INSYN2B: variants seen among roughly 807,000 people sequenced by gnomAD.
The protein encoded by INSYN2B is protein INSYN2B.
INSYN2B carries 16 observed loss-of-function variants against 41.2 expected under a neutral mutation model. The observed-to-expected ratio is 0.39, with a 90% CI of 0.26 to 0.59. The LOEUF (loss-of-function observed/expected upper bound fraction) is 0.59, where lower values mean the gene tolerates loss of function less well. Ranked by LOEUF, INSYN2B falls within the 20% of genes least tolerant of loss-of-function variation. INSYN2B has a pLI of 0.57. For missense variants in INSYN2B, 608 were observed against 646.4 expected (o/e 0.94, Z 0.64); for synonymous variants, 245 against 244.4 (o/e 1.00, Z -0.02).
intron 1 of INSYN2B, among the ~76,000 whole-genome samples, chr5:169,914,049 G>C (rs139912367): frequency 1.0e-3 from 157 of 152,230 alleles, no homozygotes; most frequent in Middle Eastern, 6.8e-3. Flanking sequence ...TACTAAAGAT[G>C]CCCTTTCAAA....
chr5:169,888,257 C>G (rs1773089687), intron 1 of INSYN2B, among the ~76,000 whole-genome samples: 1 of 152,160 alleles, frequency 6.6e-6, no homozygotes, highest in Admixed American at 6.5e-5. Context: ...GCCCTTAAGT[C>G]TTATGGGCTC....
intron 1 of INSYN2B, among the ~76,000 whole-genome samples, chr5:169,952,921 G>A (rs1776721250): frequency 6.6e-6 from 1 of 152,198 alleles, no homozygotes; most frequent in African/African-American, 2.4e-5. Flanking sequence ...GAGAGCCTCA[G>A]ATAGGGAGAA....
chr5:169,897,752 G>A (rs535876763), intron 1 of INSYN2B, among the ~76,000 whole-genome samples: 25 of 152,268 alleles, frequency 1.6e-4, no homozygotes, highest in African/African-American at 5.8e-4. Flanking sequence ...GAAGGCCATC[G>A]TCAGGGCCAC....
chr5:169,961,978 C>CAAAAAAAAAAAA lies in INSYN2B; in HGVS notation c.-919+18287_-919+18298dup, dbSNP rs70979150. ...TGGGTGAAAAAGTGAGACTCTGTCC[C>CAAAAAAAAAAAA]AAAAAAAAAAAAAAAAATGGAGAAA... On this transcript the variant is annotated intron_variant, in intron 1 of 3. Coordinates refer to ENST00000377365, the MANE Select transcript of INSYN2B (RefSeq NM_001129891.3). Among the ~76,000 whole-genome samples the CAAAAAAAAAAAA allele has an allele frequency of 2.6e-3, 191 of 74,616 alleles. 57 individuals carry two copies. Among genetic ancestry groups the CAAAAAAAAAAAA allele is most frequent in the African/African-American group, 5.6e-3 (83 of 14,770 alleles). 49.0% of individuals were successfully genotyped at this position (74,616 alleles called of 152,430 possible).
intron 1 of INSYN2B, among the ~76,000 whole-genome samples, chr5:169,973,983 C>T (rs546579935): frequency 1.9e-4 from 29 of 152,308 alleles, no homozygotes; most frequent in African/African-American, 5.8e-4. Flanking sequence ...AAGGTTAATT[C>T]AGCAGGGGGA....
chr5:169,901,449 ATGTG>A (rs996053938), intron 1 of INSYN2B, among the ~76,000 whole-genome samples: 10 of 152,096 alleles, frequency 6.6e-5, no homozygotes, highest in African/African-American at 2.4e-4. Flanking sequence ...GCATGCGTGC[ATGTG>A]TGTGTAGGAG....
intron 1 of INSYN2B, among the ~76,000 whole-genome samples, chr5:169,886,828 G>C (rs774535628): frequency 6.6e-6 from 1 of 152,054 alleles, no homozygotes; most frequent in Non-Finnish European, 1.5e-5. Flanking sequence ...CTTCATTCTG[G>C]GAACGATAAC....
chr5:169,961,166 T>C (rs1475171894), intron 1 of INSYN2B, among the ~76,000 whole-genome samples: 1 of 152,224 alleles, frequency 6.6e-6, no homozygotes, highest in East Asian at 1.9e-4. Flanking sequence ...ACAATTGTCA[T>C]TGGCCATAGA....
intron 1 of INSYN2B, among the ~76,000 whole-genome samples, chr5:169,941,184 G>A (rs1366760817): frequency 1.3e-5 from 2 of 152,088 alleles, no homozygotes; most frequent in African/African-American, 2.4e-5. Context: ...CTCCAGAAAG[G>A]TGCTTTTTAA....
At chr5:169,957,479 A>T (rs781060277) in intron 1 of INSYN2B, among the ~76,000 whole-genome samples, 27 of 152,220 alleles carry the variant, frequency 1.8e-4, no homozygotes, top group Non-Finnish European at 2.6e-4. Flanking sequence ...TGTAAGGAGA[A>T]GTATACCATT....
At chr5:169,970,713 T>G (rs1195774142) in intron 1 of INSYN2B, among the ~76,000 whole-genome samples, 1 of 152,224 alleles carries the variant, frequency 6.6e-6, no homozygotes, top group East Asian at 1.9e-4. Flanking sequence ...GGTGAAATAA[T>G]CAGGGGAGAT....
Position 169,883,475 on chromosome 5 carries a change from C to T in INSYN2B, c.424G>A (p.Asp142Asn). Residue 142 changes from aspartate (D) to asparagine (N), a missense_variant, in exon 2 of 4, where the codon GAC becomes AAC. Physicochemically the swap from Asp to Asn is conservative, Grantham distance 23 (BLOSUM62 1). Coordinates refer to ENST00000377365, the MANE Select transcript of INSYN2B (RefSeq NM_001129891.3). The part of the protein sequence containing the change: ...IQVNGNLSEQ[D>N]IVSSDLAYLR... The stretch of plus-strand genomic sequence containing the variant: ...TAGGCAAGGTCAGAAGACACAATGT[C>T]CTGTTCAGAGAGGTTACCGTTGACC... 3 of 1,551,630 alleles carry T rather than the reference C, an allele frequency of 1.9e-6. No homozygotes were observed. The highest frequency in any genetic ancestry group is 2.6e-6 in the Non-Finnish European group (3 of 1,146,942).
chr5:169,938,943 G>C (rs763114742), intron 1 of INSYN2B, among the ~76,000 whole-genome samples: 1 of 137,372 alleles, frequency 7.3e-6, no homozygotes, highest in African/African-American at 2.7e-5. Context: ...TTGCTCTGTC[G>C]CCCAGGCTGG....
chr5:169,974,393 T>C (rs1358907145), intron 1 of INSYN2B, among the ~76,000 whole-genome samples: 1 of 152,236 alleles, frequency 6.6e-6, no homozygotes, highest in Non-Finnish European at 1.5e-5. Context: ...TTTTCTTCCT[T>C]TGTTATGGCC....
chr5:169,877,858 T>C (rs1020964500), intron 3 of INSYN2B, among the ~76,000 whole-genome samples: 2 of 152,168 alleles, frequency 1.3e-5, no homozygotes, highest in Non-Finnish European at 1.5e-5. Flanking sequence ...AAATCCTACA[T>C]GGCCAATCTC....
At chr5:169,900,389 AATGG>A (rs1291619247) in intron 1 of INSYN2B, among the ~76,000 whole-genome samples, 1 of 152,158 alleles carries the variant, frequency 6.6e-6, no homozygotes, top group Admixed American at 6.5e-5. Flanking sequence ...CTAGACGTGA[AATGG>A]AAGTTTTTCC....
intron 1 of INSYN2B, among the ~76,000 whole-genome samples, chr5:169,939,988 T>G (rs1233029835): frequency 1.3e-5 from 2 of 152,112 alleles, no homozygotes; most frequent in African/African-American, 4.8e-5. Flanking sequence ...AGAGGCAGAG[T>G]CATCTTTCAG....
chr5:169,922,225 A>G (rs1327919202), intron 1 of INSYN2B, among the ~76,000 whole-genome samples: 1 of 152,230 alleles, frequency 6.6e-6, no homozygotes, highest in African/African-American at 2.4e-5. Context: ...CACATTGCCT[A>G]AAGGTATTTA....
chr5:169,934,545 C>T (rs755542178), intron 1 of INSYN2B: 11 of 433,550 alleles, frequency 2.5e-5, no homozygotes, highest in Admixed American at 7.3e-5. Context: ...TAATTGTATG[C>T]GCTACATTCA....
Sources: allele counts gnomAD v4.1 joint callset (sites outside exome capture counted in the v4.1 genomes callset), GRCh38; gene constraint gnomAD v4.1.1; transcripts MANE v1.5; gene names NCBI Gene and HGNC (gene_info 2026-07-23, HGNC 2026-07-21).